The following ZNF786 variants were observed in gnomAD, a reference collection of about 807,000 sequenced individuals.
ZNF786 encodes zinc finger protein 786.
A neutral mutation model predicts 63.1 loss-of-function variants in ZNF786; 56 were observed. That is an observed-to-expected ratio of 0.89 (90% confidence interval 0.72 to 1.11). The LOEUF is 1.11. Ranked by LOEUF, ZNF786 falls within the 50% of genes least tolerant of loss-of-function variation. The pLI is 0.00. For synonymous variants in ZNF786, 485 were observed against 406.9 expected, an observed-to-expected ratio of 1.19 and a Z score of -2.31; for missense variants, 1,213 against 1,041.8, an observed-to-expected ratio of 1.16 and a Z score of -2.26.
intron 3 of ZNF786, among the ~76,000 whole-genome samples, chr7:149,073,354 CTAGT>C (rs1174775792): frequency 4.6e-5 from 7 of 152,074 alleles, no homozygotes; most frequent in African/African-American, 1.7e-4. Flanking sequence ...ACAACAGTCT[CTAGT>C]TAGGAAGGAA....
chr7:149,073,546 C>G (rs1197496123), intron 3 of ZNF786, among the ~76,000 whole-genome samples: 1 of 151,700 alleles, frequency 6.6e-6, no homozygotes, highest in African/African-American at 2.4e-5. Context: ...GCCTGGGTGA[C>G]AGAGCAAGAT....
At position 149,075,735 on chromosome 7, in the gene ZNF786, C is replaced by T. The variant is rs1042947658; in HGVS notation, c.146-1197G>A. On this transcript the variant is annotated intron_variant, in intron 2 of 3. Coordinates refer to ENST00000491431, the MANE Select transcript of ZNF786 (RefSeq NM_152411.4). Reference sequence around the variant, plus strand: ...CTGAAGTGCAGTGGTGCAATCATAGCTCATTGCAGCCTCAACCTCCTGGGC... The same window carrying T: ...CTGAAGTGCAGTGGTGCAATCATAGTTCATTGCAGCCTCAACCTCCTGGGC... Among the ~76,000 whole-genome samples, 25 of 73,812 alleles carry T rather than the reference C, an allele frequency of 3.4e-4. 1 individual carries two copies. Among genetic ancestry groups the T allele is most frequent in the African/African-American group, 8.5e-4 (24 of 28,104 alleles). 48.4% of individuals were successfully genotyped at this position (73,812 alleles called of 152,430 possible). A position where few individuals can be genotyped will look rare whatever the true frequency, so the allele number is the denominator to read the frequency against.
intron 1 of ZNF786, among the ~76,000 whole-genome samples, chr7:149,089,704 A>G (rs924420133): frequency 1.3e-5 from 2 of 151,468 alleles, no homozygotes; most frequent in East Asian, 2.0e-4. Context: ...TCCTTTCCCC[A>G]TATATATAGG....
In ZNF786 at chr7:149,072,420, G is replaced by A. The variant is rs773066448; in HGVS notation, c.352C>T (p.Pro118Ser). 1 of 1,607,890 alleles carries A rather than the reference G, an allele frequency of 6.2e-7. No homozygotes were observed. Among genetic ancestry groups the A allele is most frequent in the South Asian group, 1.1e-5 (1 of 90,064 alleles). Residue 118 changes from proline (P) to serine (S), a missense_variant, in exon 4 of 4, where the codon CCT (proline) becomes TCT (serine). Pro to Ser is a moderately conservative substitution (Grantham distance 74). Transcript: ENST00000491431. ...GKTKSHFQLD[P>S]ESQCSFGSFV... ...GATCCAAAGGAACACTGGCTTTCAG[G>A]ATCTAATTGGAAATGGCTTTTAGTT...
intron 1 of ZNF786, 59 bp downstream of exon 1, chr7:149,090,564 G>C (rs1825814294): frequency 6.7e-7 from 1 of 1,491,348 alleles, no homozygotes; most frequent in Admixed American, 2.0e-5. Context: ...GGCGAGCCCG[G>C]AACCCGAGGA....
Position 149,071,892 on chromosome 7 carries a change from T to C in ZNF786, c.880A>G (p.Lys294Glu). ...PSHRLPQQGE[K>E]PAQCTPCGKR... is the part of the protein sequence containing the mutation. ...CCGCATGGGGTGCACTGGGCAGGCT[T>C]CTCCCCCTGCTGCGGGAGGCGGTGG... Residue 294 changes from lysine (K) to glutamate (E), a missense_variant, in exon 4 of 4, where the codon AAG (lysine) becomes GAG (glutamate). By Grantham distance (56) the Lys-to-Glu change is moderately conservative. Transcript: ENST00000491431. 1 of 1,603,730 alleles carries C rather than the reference T, an allele frequency of 6.2e-7. No individual in the cohort carries two copies. The highest frequency in any genetic ancestry group is 1.1e-5 in the South Asian group (1 of 90,756).
chr7:149,079,712 A>G (rs938048957), intron 2 of ZNF786, among the ~76,000 whole-genome samples: 14 of 149,734 alleles, frequency 9.3e-5, no homozygotes, highest in African/African-American at 3.4e-4. Flanking sequence ...CTGGGACTAC[A>G]GGCGCCCGCT....
At chr7:149,086,538 G>C (rs1825740542) in intron 1 of ZNF786, among the ~76,000 whole-genome samples, 1 of 152,118 alleles carries the variant, frequency 6.6e-6, no homozygotes, top group Admixed American at 6.6e-5. Context: ...TGAGGCAGGA[G>C]AATCGCTTGA....
Position 149,086,689 on chromosome 7 carries a change from T to A in ZNF786, c.18+3934A>T, listed in dbSNP as rs560109187. 1.3e-4 allele frequency among the ~76,000 whole-genome samples: 19 copies of A among 151,582 alleles called. No homozygotes were observed. In the East Asian group the frequency reaches 3.7e-3, roughly 30 times the overall value. On this transcript the variant is annotated intron_variant, in intron 1 of 3. Transcript: ENST00000491431. ...TGAGCTGGCATGTGCACAGATCACA[T>A]GGCAAGAAGAAGCAAGACAGAAGGG... is the stretch of plus-strand genomic sequence containing the variant.
At chr7:149,081,628 G>A (rs146736731) in intron 1 of ZNF786, among the ~76,000 whole-genome samples, 2,061 of 152,096 alleles carry the variant, frequency 0.014, 17 homozygotes, top group African/African-American at 0.023. Context: ...ATTAACATGA[G>A]ACTTCTTGTT....
At chr7:149,080,146 G>C (rs1473755451) in intron 2 of ZNF786, among the ~76,000 whole-genome samples, 4 of 152,006 alleles carry the variant, frequency 2.6e-5, no homozygotes, top group Non-Finnish European at 5.9e-5. Context: ...GCGACAGAGT[G>C]AGACTATGTC....
At position 149,080,679 on chromosome 7, in the gene ZNF786, G is replaced by A. The variant is rs780717400; in HGVS notation, c.57C>T (p.Ser19=). 1.3e-5 allele frequency: 21 copies of A among 1,611,306 alleles called. No homozygotes were observed. The East Asian group carries it at 1.3e-4, about 10-fold the overall frequency. Residue 19 remains serine (S), a synonymous_variant, in exon 2 of 4, where the codon TCC becomes TCT. Transcript: ENST00000491431. ...CCTCTAGATCCTGCCATTCTTGCTC[G>A]GAGAAATAAATAGCAACATCCTCAA... ...LTFEDVAIYF[S]EQEWQDLEAW...
Position 149,070,676 on chromosome 7 carries a change from G to C in ZNF786, c.2096C>G (p.Thr699Arg), listed in dbSNP as rs750182347. Residue 699 changes from threonine (T) to arginine (R), a missense_variant, in exon 4 of 4, where the codon ACA becomes AGA. By Grantham distance (71) the Thr-to-Arg change is moderately conservative (BLOSUM62 -1). Coordinates refer to ENST00000491431, the MANE Select transcript of ZNF786 (RefSeq NM_152411.4). The part of the protein sequence containing the change: ...AQLLSHQGLH[T>R]GERPFHCPEC... ...AGGGCAGTGAAAAGGCCTCTCCCCT[G>C]TGTGCAGGCCCTGATGGCTGAGCAG... 1.2e-6 allele frequency: 2 copies of C among 1,613,782 alleles called. No homozygotes were observed. Among genetic ancestry groups the C allele is most frequent in the South Asian group, 1.1e-5 (1 of 91,092 alleles).
chr7:149,079,211 A>G (rs1243855345), intron 2 of ZNF786, among the ~76,000 whole-genome samples: 1 of 152,168 alleles, frequency 6.6e-6, no homozygotes, highest in Non-Finnish European at 1.5e-5. Context: ...AATCGAGACC[A>G]TCCTGGCTAA....
Position 149,070,969 on chromosome 7 carries a change from G to A in ZNF786, c.1803C>T (p.Ser601=). The change falls in exon 4 of 4, where the codon AGC becomes AGT. Residue 601 remains serine, a synonymous_variant. Transcript: ENST00000491431. ...TGAGCAGCTGCCCCTTCAGGCGGAA[G>A]CTCCTGTTGCACTCTGGGCACTGGA... ...RPFQCPECNR[S]FRLKGQLLSH... The A allele has an allele frequency of 6.2e-7, 1 of 1,613,368 alleles. No homozygotes were observed. The highest frequency in any genetic ancestry group is 8.5e-7 in the Non-Finnish European group (1 of 1,179,924).
chr7:149,075,406 T>C (rs1825525800), intron 2 of ZNF786, among the ~76,000 whole-genome samples: 1 of 151,394 alleles, frequency 6.6e-6, no homozygotes, highest in African/African-American at 2.4e-5. Flanking sequence ...CCACACTGGC[T>C]AATTTTTTTT....
At chr7:149,079,563 CTT>C (rs377025040) in intron 2 of ZNF786, among the ~76,000 whole-genome samples, 90 of 119,370 alleles carry the variant, frequency 7.5e-4, no homozygotes, top group African/African-American at 1.0e-3. Flanking sequence ...GACAGCTACT[CTT>C]TTTTTTTTTT....
At chr7:149,078,769 TC>T (rs1408396324) in intron 2 of ZNF786, among the ~76,000 whole-genome samples, 2 of 152,166 alleles carry the variant, frequency 1.3e-5, no homozygotes, top group Non-Finnish European at 2.9e-5. Flanking sequence ...ATGGCTGTTG[TC>T]AACTGGCAGA....
rs753840443 is a variant in ZNF786 at position 149,071,971 on chromosome 7, G to A, written c.801C>T (p.Pro267=). 2.5e-6 allele frequency: 4 copies of A among 1,612,300 alleles called. No individual in the cohort carries two copies. The highest frequency in any genetic ancestry group is 2.2e-5 in the South Asian group (2 of 91,080). ...RHLAAHTGRG[P]FRNADGEMCF... ...ACATTTCACCGTCAGCGTTCCGGAA[G>A]GGGCCCCTCCCCGTGTGGGCCGCCA... Residue 267 remains proline (P), a synonymous_variant, in exon 4 of 4, where the codon CCC becomes CCT. Transcript: ENST00000491431.
Sources: allele counts gnomAD v4.1 joint callset (sites outside exome capture counted in the v4.1 genomes callset), GRCh38; gene constraint gnomAD v4.1.1; transcripts MANE v1.5; gene names NCBI Gene and HGNC (gene_info 2026-07-23, HGNC 2026-07-21).